KLF8: variants seen among roughly 807,000 people sequenced by gnomAD.
The protein encoded by KLF8 is Krueppel-like factor 8.
KLF8 carries 10 observed loss-of-function variants against 18.2 expected under a neutral mutation model. The observed-to-expected ratio is 0.55, with a 90% CI of 0.34 to 0.93. KLF8 has a LOEUF of 0.93. Ranked by LOEUF, KLF8 falls within the 40% of genes least tolerant of loss-of-function variation. KLF8 has a pLI of 0.02. For missense variants in KLF8, 264 were observed against 277.9 expected (o/e 0.95, Z 0.36); for synonymous variants, 109 against 97.3 (o/e 1.12, Z -0.71).
the KLF8 span, among the ~76,000 whole-genome samples, chrX:56,048,670 G>T: frequency 8.9e-6 from 1 of 111,749 alleles, no homozygotes; most frequent in South Asian, 3.7e-4. Context: ...GGTTACTGTA[G>T]CCTTGTAGTA....
chrX:56,154,404 T>C, the KLF8 span, among the ~76,000 whole-genome samples: 1 of 111,846 alleles, frequency 8.9e-6, no homozygotes, highest in Non-Finnish European at 1.9e-5. Flanking sequence ...TAGCCATATG[T>C]AGAAAGCTGA....
chrX:56,201,913 C>G, the KLF8 span, among the ~76,000 whole-genome samples: 1 of 111,502 alleles, frequency 9.0e-6, no homozygotes, highest in Non-Finnish European at 1.9e-5. Flanking sequence ...TTTCGTTTAT[C>G]AAGTGGAACA....
At chrX:55,989,179 T>A in the KLF8 span, among the ~76,000 whole-genome samples, 1 of 111,883 alleles carries the variant, frequency 8.9e-6, no homozygotes, top group Non-Finnish European at 1.9e-5. Flanking sequence ...CTTTTCCTAA[T>A]TGAGTACCCT....
the KLF8 span, among the ~76,000 whole-genome samples, chrX:55,924,849 C>CTGTTTTTTTTTT: frequency 2.3e-5 from 1 of 42,937 alleles, no homozygotes. Flanking sequence ...TTGTTTTTTG[C>CTGTTTTTTTTTT]TTTTTTTTTT....
At chrX:56,158,057 A>C in the KLF8 span, among the ~76,000 whole-genome samples, 1 of 111,613 alleles carries the variant, frequency 9.0e-6, no homozygotes, top group African/African-American at 3.3e-5. Flanking sequence ...ATCTTGAATT[A>C]ATTTTTGTAT....
At chrX:56,186,817 T>C in the KLF8 span, among the ~76,000 whole-genome samples, 1 of 112,182 alleles carries the variant, frequency 8.9e-6, no homozygotes, top group Non-Finnish European at 1.9e-5. Flanking sequence ...AAAGATGTTC[T>C]TTGAAGCCAA....
chrX:55,937,937 C>A, the KLF8 span, among the ~76,000 whole-genome samples: 1 of 111,977 alleles, frequency 8.9e-6, no homozygotes, highest in Non-Finnish European at 1.9e-5. Context: ...GGAACCAAGT[C>A]ACAAAACACT....
At chrX:56,098,141 C>T in the KLF8 span, among the ~76,000 whole-genome samples, 1 of 111,901 alleles carries the variant, frequency 8.9e-6, no homozygotes, top group Non-Finnish European at 1.9e-5. Context: ...TCTCTTGCTT[C>T]CTCCCTTTCC....
At chrX:56,243,224 G>A (rs1009112879) in intron 1 of KLF8, 1 of 462,683 alleles carries the variant, frequency 2.2e-6, no homozygotes, top group Non-Finnish European at 4.0e-6. Context: ...ACTCCTCCGA[G>A]GATATTTGGG....
intron 1 of KLF8, chrX:56,243,230 T>G (rs886508990): frequency 4.4e-6 from 2 of 457,697 alleles, no homozygotes; most frequent in South Asian, 2.4e-5. Context: ...CCGAGGATAT[T>G]TGGGCTGCCT....
At chrX:56,275,313 C>CA (rs1224290348) in intron 5 of KLF8, among the ~76,000 whole-genome samples, 1 of 111,493 alleles carries the variant, frequency 9.0e-6, no homozygotes, top group South Asian at 3.8e-4. Context: ...CATCTGTTGG[C>CA]ATGTAGAAAT....
chrX:56,079,719 T>C, the KLF8 span, among the ~76,000 whole-genome samples: 8 of 110,922 alleles, frequency 7.2e-5, no homozygotes, highest in Non-Finnish European at 1.5e-4. Flanking sequence ...CTTTCTGTCT[T>C]GTTGATCTGT....
intron 3 of KLF8, chrX:56,266,026 C>T: frequency 2.4e-6 from 2 of 828,040 alleles, no homozygotes; most frequent in Non-Finnish European, 3.0e-6. Flanking sequence ...ATAATTTAAG[C>T]ATTTTATATT....
the KLF8 span, among the ~76,000 whole-genome samples, chrX:56,071,289 A>G: frequency 8.9e-6 from 1 of 111,951 alleles, no homozygotes; most frequent in Non-Finnish European, 1.9e-5. Context: ...TTATCAGCGT[A>G]ATGAGGTAGA....
the KLF8 span, among the ~76,000 whole-genome samples, chrX:55,988,317 G>C: frequency 1.8e-5 from 2 of 111,060 alleles, no homozygotes; most frequent in East Asian, 5.6e-4. Flanking sequence ...TTTTCTTCTA[G>C]GGTTTTTATG....
chrX:56,079,328 T>C, the KLF8 span, among the ~76,000 whole-genome samples: 4 of 111,041 alleles, frequency 3.6e-5, no homozygotes, highest in Non-Finnish European at 7.6e-5. Context: ...TCCCAGAGAT[T>C]CTGGTATGTT....
chrX:56,092,746 G>A, the KLF8 span, among the ~76,000 whole-genome samples: 1 of 107,936 alleles, frequency 9.3e-6, no homozygotes, highest in Non-Finnish European at 1.9e-5. Context: ...GAATTGCTTT[G>A]GTTTAAGATA....
chrX:56,249,016 A>G (rs142529616), intron 1 of KLF8, among the ~76,000 whole-genome samples: 415 of 112,370 alleles, frequency 3.7e-3, no homozygotes, highest in African/African-American at 0.013. Flanking sequence ...TAGTGAAAAA[A>G]ACAAAGATGA....
chrX:55,975,599 G>A, the KLF8 span, among the ~76,000 whole-genome samples: 1 of 111,187 alleles, frequency 9.0e-6, no homozygotes, highest in Middle Eastern at 4.6e-3. Flanking sequence ...TAATTCTCAT[G>A]TTTCGCAAAA....
Sources: gnomAD v4.1 joint callset for allele counts (sites outside exome capture counted in the v4.1 genomes callset) on GRCh38, gnomAD v4.1.1 for gene constraint, MANE v1.5 for transcripts, NCBI Gene and HGNC (gene_info 2026-07-23, HGNC 2026-07-21) for gene names.